The following CLVS2 variants were observed in gnomAD, a reference collection of about 807,000 sequenced individuals.
CLVS2 encodes clavesin 2.
A neutral mutation model predicts 29.0 loss-of-function variants in CLVS2; 19 were observed. The ratio of observed to expected loss-of-function variants is 0.66; its 90% CI spans 0.46 to 0.96. The LOEUF (loss-of-function observed/expected upper bound fraction) is 0.96, where lower values mean the gene tolerates loss of function less well. CLVS2 is among the 40% of genes least tolerant of loss of function. The pLI, the probability that CLVS2 is intolerant of heterozygous loss-of-function variation, is 0.00. For synonymous variants in CLVS2, 161 were observed against 151.3 expected, an observed-to-expected ratio of 1.06 and a Z score of -0.47; for missense variants, 294 against 404.1, an observed-to-expected ratio of 0.73 and a Z score of 2.34.
At chr6:123,018,696 G>T (rs1231267402) in intron 3 of CLVS2, among the ~76,000 whole-genome samples, 3 of 145,348 alleles carry the variant, frequency 2.1e-5, no homozygotes, top group African/African-American at 7.6e-5. Context: ...AAAAAAAAGT[G>T]GGCTTGATTT....
chr6:123,004,226 C>T (rs888476632), intron 2 of CLVS2, among the ~76,000 whole-genome samples: 4 of 152,148 alleles, frequency 2.6e-5, no homozygotes, highest in Non-Finnish European at 4.4e-5. Flanking sequence ...TCTCCCAGCA[C>T]AATTCTGTTT....
intron 2 of CLVS2, among the ~76,000 whole-genome samples, chr6:122,999,043 A>T (rs1774551982): frequency 6.6e-6 from 1 of 152,254 alleles, no homozygotes; most frequent in African/African-American, 2.4e-5. Context: ...ATAAGAAATT[A>T]TAAAAGGCTC....
intron 4 of CLVS2, among the ~76,000 whole-genome samples, chr6:123,052,854 A>AT (rs916851627): frequency 6.7e-6 from 1 of 149,902 alleles, no homozygotes; most frequent in Non-Finnish European, 1.5e-5. Context: ...TTAAGTGGAT[A>AT]TTTTAAGTGG....
intron 3 of CLVS2, among the ~76,000 whole-genome samples, chr6:123,024,271 G>A (rs1774966816): frequency 6.6e-6 from 1 of 152,128 alleles, no homozygotes; most frequent in Non-Finnish European, 1.5e-5. Context: ...ATTATCATAG[G>A]TATTAGCTCT....
chr6:122,997,446 T>G lies in CLVS2; in HGVS notation c.-332T>G. The G allele has an allele frequency of 6.6e-6, 2 of 302,512 alleles. No homozygotes were observed. The highest frequency in any genetic ancestry group is 1.3e-5 in the Non-Finnish European group (2 of 152,204). 18.7% of individuals were successfully genotyped at this position (302,512 alleles called of 1,614,324 possible). ...CGTGCTAGGTGGAATTAGGGGTGAT[T>G]TGTTAGGAAAGAGAAAGGACAAGAA... On this transcript the variant is annotated 5_prime_UTR_variant, in exon 2 of 6. It adds an upstream start codon to the 5' untranslated region. Coordinates refer to ENST00000275162, the MANE Select transcript of CLVS2 (RefSeq NM_001010852.4).
rs542825447 is a variant in CLVS2, at chr6:123,052,826, G to A, written c.676-2980G>A. Among the ~76,000 whole-genome samples, 125 of 135,810 alleles carry A rather than the reference G, an allele frequency of 9.2e-4. 4 individuals are homozygous for A. The highest frequency in any genetic ancestry group is 9.5e-4 in the Non-Finnish European group (60 of 63,342). The allele number at this position is 135,810 out of a possible 152,430, so 89.1% of individuals were successfully genotyped here. A position where few individuals can be genotyped will look rare whatever the true frequency, so the allele number is the denominator to read the frequency against. Reference sequence around the variant, plus strand: ...GTCCAATTTTGAACACGTTAAATTTGCAGCAGCCATTGAATATTTAAGTGG... The same window carrying A: ...GTCCAATTTTGAACACGTTAAATTTACAGCAGCCATTGAATATTTAAGTGG... On this transcript the variant is annotated intron_variant, in intron 4 of 5. Transcript: ENST00000275162.
chr6:123,012,344 G>A (rs1774760981), intron 3 of CLVS2, among the ~76,000 whole-genome samples: 1 of 151,694 alleles, frequency 6.6e-6, no homozygotes, highest in Non-Finnish European at 1.5e-5. Context: ...AACAAGATTG[G>A]TTACCACCCA....
At chr6:123,062,286 T>C (rs1025190231) in intron 5 of CLVS2, among the ~76,000 whole-genome samples, 1 of 152,204 alleles carries the variant, frequency 6.6e-6, no homozygotes, top group Non-Finnish European at 1.5e-5. Flanking sequence ...TGTTAAAAAG[T>C]ATTTTATTCA....
intron 3 of CLVS2, among the ~76,000 whole-genome samples, chr6:123,034,273 C>T (rs375770774): frequency 5.9e-5 from 9 of 152,082 alleles, no homozygotes; most frequent in African/African-American, 1.9e-4. Flanking sequence ...TTTATAGTGG[C>T]TTCATTCATA....
At chr6:123,047,052 G>T (rs1254957011) in intron 3 of CLVS2, among the ~76,000 whole-genome samples, 1 of 152,052 alleles carries the variant, frequency 6.6e-6, no homozygotes, top group Non-Finnish European at 1.5e-5. Context: ...GCAAGTGGGG[G>T]ACTGGATGCG....
At chr6:123,006,015 A>G (rs1162393772) in intron 2 of CLVS2, among the ~76,000 whole-genome samples, 1 of 152,220 alleles carries the variant, frequency 6.6e-6, no homozygotes, top group African/African-American at 2.4e-5. Context: ...AGAAAGTGGT[A>G]TCAAACAGTG....
intron 4 of CLVS2, among the ~76,000 whole-genome samples, chr6:123,050,801 A>G (rs757939328): frequency 4.6e-5 from 7 of 152,122 alleles, no homozygotes; most frequent in Non-Finnish European, 7.4e-5. Context: ...CTTGTTCTGA[A>G]ATGATTTTTA....
intron 3 of CLVS2, among the ~76,000 whole-genome samples, chr6:123,011,820 A>C (rs1406052900): frequency 6.6e-6 from 1 of 151,914 alleles, no homozygotes; most frequent in African/African-American, 2.4e-5. Flanking sequence ...GTGTCCTTCT[A>C]TTCTCTCTCT....
chr6:123,006,439 G>T (rs1217954102), intron 2 of CLVS2, among the ~76,000 whole-genome samples: 1 of 151,954 alleles, frequency 6.6e-6, no homozygotes, highest in Non-Finnish European at 1.5e-5. Context: ...CACAATAGAG[G>T]GTAGGCAAGA....
chr6:123,031,290 A>G (rs1301130787), intron 3 of CLVS2, among the ~76,000 whole-genome samples: 3 of 152,094 alleles, frequency 2.0e-5, no homozygotes, highest in African/African-American at 7.2e-5. Flanking sequence ...AATCCTATCT[A>G]AAATGTTATC....
At chr6:123,026,931 T>C (rs1176411651) in intron 3 of CLVS2, among the ~76,000 whole-genome samples, 1 of 152,222 alleles carries the variant, frequency 6.6e-6, no homozygotes, top group African/African-American at 2.4e-5. Context: ...GTTATATTCT[T>C]ATGTTATTAA....
At chr6:123,012,281 A>T (rs2114309366) in intron 3 of CLVS2, among the ~76,000 whole-genome samples, 1 of 152,088 alleles carries the variant, frequency 6.6e-6, no homozygotes, top group Admixed American at 6.6e-5. Flanking sequence ...ATATAGAATC[A>T]GTCCTAACTC....
intron 2 of CLVS2, among the ~76,000 whole-genome samples, chr6:123,006,837 G>A (rs1269541285): frequency 1.3e-5 from 2 of 152,144 alleles, no homozygotes; most frequent in Admixed American, 6.6e-5. Flanking sequence ...AAGGGGATGA[G>A]TGCATGATTT....
At chr6:122,998,552 C>A (rs1562160616) in intron 2 of CLVS2, among the ~76,000 whole-genome samples, 1 of 152,182 alleles carries the variant, frequency 6.6e-6, no homozygotes, top group South Asian at 2.1e-4. Flanking sequence ...TAAAAAAATT[C>A]TTAAACTAGA....
Sources: gnomAD v4.1 joint callset for allele counts (sites outside exome capture counted in the v4.1 genomes callset) on GRCh38, gnomAD v4.1.1 for gene constraint, MANE v1.5 for transcripts, NCBI Gene and HGNC (gene_info 2026-07-23, HGNC 2026-07-21) for gene names.